ANO4: variants seen among roughly 807,000 people sequenced by gnomAD.
ANO4 encodes anoctamin 4, also known as anoctamin-4.
Under a neutral mutation model 141.9 loss-of-function variants are expected in ANO4, and 69 were observed. That is an observed-to-expected ratio of 0.49 (90% CI 0.40 to 0.59). The LOEUF (loss-of-function observed/expected upper bound fraction) is 0.59, where lower values mean the gene tolerates loss of function less well. Among genes scored for constraint, ANO4 ranks in the 20% least tolerant of loss-of-function variants. The pLI, the probability that ANO4 is intolerant of heterozygous loss-of-function variation, is 0.00. For missense variants in ANO4, 894 were observed against 1,162.2 expected (o/e 0.77, Z 3.36); for synonymous variants, 350 against 394.3 (o/e 0.89, Z 1.33).
intron 9 of ANO4, among the ~76,000 whole-genome samples, chr12:101,023,452 C>T: frequency 6.6e-6 from 1 of 152,152 alleles, no homozygotes; most frequent in East Asian, 1.9e-4. Flanking sequence ...AGGAGGATTG[C>T]TTGAGCCCAA....
At chr12:100,786,280 A>T (rs1176486220) in intron 3 of ANO4, among the ~76,000 whole-genome samples, 1 of 152,208 alleles carries the variant, frequency 6.6e-6, no homozygotes, top group Non-Finnish European at 1.5e-5. Flanking sequence ...TATTGCAGTT[A>T]TGAGCAGAGG....
intron 1 of ANO4, among the ~76,000 whole-genome samples, chr12:100,851,657 A>T (rs2037877538): frequency 6.6e-6 from 1 of 152,192 alleles, no homozygotes; most frequent in Non-Finnish European, 1.5e-5. Context: ...TCATTAAAGG[A>T]TAAGTTCTTA....
At chr12:100,886,539 C>A (rs1313172419) in intron 1 of ANO4, among the ~76,000 whole-genome samples, 1 of 152,034 alleles carries the variant, frequency 6.6e-6, no homozygotes, top group Admixed American at 6.6e-5. Context: ...AGAAATCTAC[C>A]CAGCAATGAG....
At chr12:100,997,128 G>A (rs1376155490) in intron 8 of ANO4, among the ~76,000 whole-genome samples, 5 of 152,038 alleles carry the variant, frequency 3.3e-5, no homozygotes, top group Non-Finnish European at 7.4e-5. Flanking sequence ...GAGGTCAGCA[G>A]TTTGAGACCA....
In ANO4 at chr12:101,027,110, C is replaced by G. The variant is rs549606816; in HGVS notation, c.841+6970C>G. Among the ~76,000 whole-genome samples the G allele has an allele frequency of 3.1e-3, 474 of 152,240 alleles. 4 individuals carry two copies. The highest frequency in any genetic ancestry group is 0.011 in the African/African-American group (443 of 41,552). On this transcript the variant is annotated intron_variant, in intron 9 of 27. Transcript: ENST00000392977. Reference sequence around the variant, plus strand: ...AAGGAAGAGCAGTGTGGTGCGGCAGCCCGTCTGAGAGCCACACGGGGCAGG... The same window carrying G: ...AAGGAAGAGCAGTGTGGTGCGGCAGGCCGTCTGAGAGCCACACGGGGCAGG...
intron 3 of ANO4, among the ~76,000 whole-genome samples, chr12:100,754,273 C>T (rs1445525301): frequency 6.6e-6 from 1 of 152,220 alleles, no homozygotes; most frequent in African/African-American, 2.4e-5. Context: ...CTTGCTCATT[C>T]TACCTCACAA....
chr12:101,047,429 G>GC (rs2047677031), intron 13 of ANO4, among the ~76,000 whole-genome samples: 2 of 152,108 alleles, frequency 1.3e-5, no homozygotes, highest in African/African-American at 4.8e-5. Flanking sequence ...TTTGAGTGCT[G>GC]CCCATCTCTC....
chr12:101,113,449 C>A (rs369185881), intron 24 of ANO4, among the ~76,000 whole-genome samples: 23 of 152,184 alleles, frequency 1.5e-4, no homozygotes, highest in African/African-American at 5.1e-4. Flanking sequence ...CTCTTTGGAG[C>A]TTTTCTTTTC....
chr12:100,872,777 A>G (rs2039095993), intron 1 of ANO4, among the ~76,000 whole-genome samples: 1 of 152,230 alleles, frequency 6.6e-6, no homozygotes. Context: ...TTATCACATC[A>G]TAATCCAATG....
At chr12:100,975,008 C>A in intron 7 of ANO4, 119 bp downstream of exon 7, 1 of 1,181,048 alleles carries the variant, frequency 8.5e-7, no homozygotes, top group Non-Finnish European at 1.3e-6. Context: ...AAGTTGGCTG[C>A]CATGCACATT....
intron 7 of ANO4, among the ~76,000 whole-genome samples, chr12:100,983,299 TA>T (rs2044566239): frequency 6.6e-6 from 1 of 152,184 alleles, no homozygotes; most frequent in South Asian, 2.1e-4. Context: ...GAGAGTGTTT[TA>T]AGAGGTGTAT....
chr12:100,817,537 A>G (rs537127616), intron 1 of ANO4, among the ~76,000 whole-genome samples: 2 of 152,078 alleles, frequency 1.3e-5, no homozygotes, highest in South Asian at 4.1e-4. Context: ...GTTTTACTGT[A>G]ATATAATTAC....
In ANO4 at chr12:101,043,046, G is replaced by A. The variant is rs189955024; in HGVS notation, c.1155-493G>A. Among the ~76,000 whole-genome samples the A allele has an allele frequency of 1.5e-3, 231 of 152,276 alleles. 4 individuals are homozygous for A. The highest frequency in any genetic ancestry group is 0.014 in the Admixed American group (217 of 15,274). The stretch of plus-strand genomic sequence containing the variant: ...GTGAGTGATTAAGCCTTCCACCTAC[G>A]AAAACATTTTACTTTCTGGTGAAAT... On this transcript the variant is annotated intron_variant, in intron 12 of 27. Transcript: ENST00000392977.
intron 3 of ANO4, among the ~76,000 whole-genome samples, chr12:100,772,671 C>A (rs1353428521): frequency 6.6e-6 from 1 of 152,212 alleles, no homozygotes; most frequent in Non-Finnish European, 1.5e-5. Context: ...CAGTAAACTA[C>A]TACCAACCGA....
intron 1 of ANO4, among the ~76,000 whole-genome samples, chr12:100,722,340 T>C (rs2030904535): frequency 6.6e-6 from 1 of 152,192 alleles, no homozygotes; most frequent in African/African-American, 2.4e-5. Context: ...GCAAATCTGA[T>C]CCTGTTGTTC....
At chr12:100,929,458 A>G (rs551500333) in intron 3 of ANO4, among the ~76,000 whole-genome samples, 4 of 152,148 alleles carry the variant, frequency 2.6e-5, no homozygotes, top group African/African-American at 9.7e-5. Flanking sequence ...TCATATTTTT[A>G]TAGCTGAATA....
intron 5 of ANO4, among the ~76,000 whole-genome samples, chr12:100,965,574 C>A (rs1162237865): frequency 4.6e-5 from 7 of 151,960 alleles, no homozygotes; most frequent in Admixed American, 3.9e-4. Context: ...CATTCCCAGC[C>A]CTCTTCTCTA....
At chr12:100,979,900 T>TTTTTC (rs1214513419) in intron 7 of ANO4, among the ~76,000 whole-genome samples, 1 of 149,618 alleles carries the variant, frequency 6.7e-6, no homozygotes, top group Non-Finnish European at 1.5e-5. Context: ...GCTGACTTTT[T>TTTTTC]TTTTTTTTTT....
chr12:101,040,412 T>C (rs549624028), intron 11 of ANO4, among the ~76,000 whole-genome samples: 41 of 152,360 alleles, frequency 2.7e-4, no homozygotes, highest in Non-Finnish European at 1.3e-4. Context: ...AAGGTAACAC[T>C]GCTTACATAT....
Sources: allele counts gnomAD v4.1 joint callset (sites outside exome capture counted in the v4.1 genomes callset), GRCh38; gene constraint gnomAD v4.1.1; transcripts MANE v1.5; gene names NCBI Gene and HGNC (gene_info 2026-07-23, HGNC 2026-07-21).